The following RSU1 variants were observed in gnomAD, a reference collection of about 807,000 sequenced individuals.
RSU1 encodes the protein Ras suppressor protein 1.
Under a neutral mutation model 31.1 loss-of-function variants are expected in RSU1, and 26 were observed. That is an observed-to-expected ratio of 0.84 (90% CI 0.61 to 1.16). RSU1 has a LOEUF of 1.16. Among genes scored for constraint, RSU1 ranks in the 50% most tolerant of loss-of-function variants. The pLI, the probability that RSU1 is intolerant of heterozygous loss-of-function variation, is 0.00. For synonymous variants in RSU1, 164 were observed against 136.3 expected, an observed-to-expected ratio of 1.20 and a Z score of -1.41; for missense variants, 320 against 339.1, an observed-to-expected ratio of 0.94 and a Z score of 0.44.
chr10:16,754,912 T>C lies in RSU1; in HGVS notation c.359A>G (p.Asn120Ser), dbSNP rs912139136. 6 of 1,612,998 alleles carry C rather than the reference T, an allele frequency of 3.7e-6. No homozygotes were observed. In the African/African-American group the frequency reaches 8.0e-5, roughly 22 times the overall value. The change falls in exon 5 of 9, where the codon AAC (asparagine) becomes AGC (serine). Residue 120 changes from asparagine (N) to serine (S), a missense_variant. Coordinates refer to ENST00000345264, the MANE Select transcript of RSU1 (RefSeq NM_012425.4). The stretch of plus-strand genomic sequence containing the variant: ...TCCAGGAAGAGAATTTTCGCTCAAG[T>C]TGTTGTACGTCAAGTCCAGAACCTC... ...ALEVLDLTYN[N>S]LSENSLPGNF...
chr10:16,674,553 A>G (rs1368048530), intron 8 of RSU1, among the ~76,000 whole-genome samples: 1 of 152,056 alleles, frequency 6.6e-6, no homozygotes, highest in Non-Finnish European at 1.5e-5. Flanking sequence ...CAGTGTACAA[A>G]ACTACGTCTC....
Position 16,591,102 on chromosome 10 carries a change from G to A in RSU1, c.*2292C>T, listed in dbSNP as rs545219441. On this transcript the variant is annotated 3_prime_UTR_variant, in exon 9 of 9. Transcript: ENST00000345264. Reference sequence around the variant, plus strand: ...AATTTTTTGTATTTTAGTAGAGACGGGGTTTCACCGTGTTGCCCAGGCTGG... The same window carrying A: ...AATTTTTTGTATTTTAGTAGAGACGAGGTTTCACCGTGTTGCCCAGGCTGG... The A allele has an allele frequency of 2.0e-5, 3 of 152,254 alleles. No homozygotes were observed. The highest frequency in any genetic ancestry group is 7.2e-5 in the African/African-American group (3 of 41,534). The allele number at this position is 152,254 out of a possible 1,614,324, so 9.4% of individuals were successfully genotyped here. A position where few individuals can be genotyped will look rare whatever the true frequency, so the allele number is the denominator to read the frequency against.
At chr10:16,607,832 G>A (rs1259450940) in intron 8 of RSU1, among the ~76,000 whole-genome samples, 1 of 152,108 alleles carries the variant, frequency 6.6e-6, no homozygotes, top group African/African-American at 2.4e-5. Context: ...TTCCTTCTGT[G>A]CTCTGGTTAG....
intron 8 of RSU1, among the ~76,000 whole-genome samples, chr10:16,594,073 T>C (rs942003204): frequency 6.6e-5 from 10 of 152,258 alleles, no homozygotes; most frequent in Non-Finnish European, 1.2e-4. Flanking sequence ...GCTGGCTCCG[T>C]GGCTGAGAGG....
intron 7 of RSU1, among the ~76,000 whole-genome samples, chr10:16,704,974 CT>C (rs58815595): frequency 6.6e-6 from 1 of 152,070 alleles, no homozygotes; most frequent in Non-Finnish European, 1.5e-5. Context: ...GCCTCCATGA[CT>C]TTTTTTCATC....
chr10:16,761,131 C>A (rs1271224362), intron 4 of RSU1, among the ~76,000 whole-genome samples: 1 of 152,044 alleles, frequency 6.6e-6, no homozygotes, highest in Non-Finnish European at 1.5e-5. Flanking sequence ...TTAGTAGAGA[C>A]AAGGTTTCGC....
Position 16,757,028 on chromosome 10 carries a change from AGTGTGTGTGTGGTGT to A in RSU1, c.282-2054_282-2040del, listed in dbSNP as rs200029393. Among the ~76,000 whole-genome samples the A allele has an allele frequency of 4.2e-3, 587 of 140,994 alleles. 7 individuals carry two copies. The East Asian group carries it at 0.068, about 16-fold the overall frequency. 92.5% of individuals were successfully genotyped at this position (140,994 alleles called of 152,430 possible). The stretch of plus-strand genomic sequence containing the variant: ...GGGGTGTGGTGGTGTGTGTGTACGC[AGTGTGTGTGTGGTGT>A]GTGTGTGGGTGTGTTTGTACACGGT... On this transcript the variant is annotated intron_variant, in intron 4 of 8. Coordinates refer to ENST00000345264, the MANE Select transcript of RSU1 (RefSeq NM_012425.4).
intron 2 of RSU1, among the ~76,000 whole-genome samples, chr10:16,794,527 T>C (rs566422983): frequency 3.9e-5 from 6 of 152,352 alleles, no homozygotes; most frequent in South Asian, 2.1e-4. Flanking sequence ...ACAAAACTTA[T>C]GCAGTTTTAG....
At chr10:16,683,375 A>T (rs148793979) in intron 8 of RSU1, among the ~76,000 whole-genome samples, 1 of 152,292 alleles carries the variant, frequency 6.6e-6, no homozygotes, top group Non-Finnish European at 1.5e-5. Context: ...TTGTGTTTGT[A>T]TATTATTTCA....
chr10:16,762,738 G>A (rs1351059080), intron 4 of RSU1, among the ~76,000 whole-genome samples: 9 of 151,978 alleles, frequency 5.9e-5, no homozygotes, highest in Non-Finnish European at 1.2e-4. Flanking sequence ...CTATTATATT[G>A]GCAAATACGG....
intron 7 of RSU1, among the ~76,000 whole-genome samples, chr10:16,704,660 G>A (rs867293282): frequency 2.0e-5 from 3 of 152,156 alleles, no homozygotes; most frequent in South Asian, 4.1e-4. Flanking sequence ...CATTCCCTTT[G>A]GGCTGAAAGC....
At chr10:16,610,416 C>T (rs899221327) in intron 8 of RSU1, among the ~76,000 whole-genome samples, 1 of 152,218 alleles carries the variant, frequency 6.6e-6, no homozygotes, top group Admixed American at 6.5e-5. Flanking sequence ...GGGTGGCCAA[C>T]CCTTGGGCCG....
chr10:16,638,334 T>G (rs1017572958), intron 8 of RSU1, among the ~76,000 whole-genome samples: 1 of 152,144 alleles, frequency 6.6e-6, no homozygotes. Flanking sequence ...CCTTTTAACA[T>G]CCTTGTGTCT....
chr10:16,716,761 G>A (rs1168732228), intron 7 of RSU1, among the ~76,000 whole-genome samples: 1 of 151,982 alleles, frequency 6.6e-6, no homozygotes, highest in African/African-American at 2.4e-5. Flanking sequence ...AAGTTTGGAG[G>A]GTATGAAGCG....
Position 16,790,840 on chromosome 10 carries a change from C to T in RSU1, c.110-8756G>A, listed in dbSNP as rs368749580. Among the ~76,000 whole-genome samples the T allele has an allele frequency of 5.3e-5, 8 of 152,284 alleles. No individual in the cohort carries two copies. The East Asian group carries it at 5.8e-4, about 11-fold the overall frequency. ...CTTTCTCCTGCTCCCATCACGAAGACGTGATTTCTTCCCCTTCGCCTTCCA... is the reference window on the plus strand; with the variant it reads ...CTTTCTCCTGCTCCCATCACGAAGATGTGATTTCTTCCCCTTCGCCTTCCA... On this transcript the variant is annotated intron_variant, in intron 2 of 8. Transcript: ENST00000345264.
intron 8 of RSU1, among the ~76,000 whole-genome samples, chr10:16,604,102 C>T (rs997506103): frequency 3.3e-5 from 5 of 152,112 alleles, no homozygotes; most frequent in African/African-American, 1.2e-4. Context: ...AGATTTTATG[C>T]CCTGCCAACA....
In RSU1 at chr10:16,731,516, C is replaced by G. The variant is rs11598958; in HGVS notation, c.598+21023G>C. On this transcript the variant is annotated intron_variant, in intron 7 of 8. Coordinates refer to ENST00000345264, the MANE Select transcript of RSU1 (RefSeq NM_012425.4). Reference sequence around the variant, plus strand: ...TGATTATTTCTTGATGATAGAATTCCAAGGGAGCTTACTGCAACAAAAGGT... The same window carrying G: ...TGATTATTTCTTGATGATAGAATTCGAAGGGAGCTTACTGCAACAAAAGGT... Among the ~76,000 whole-genome samples, 1,134 of 151,866 alleles carry G rather than the reference C, an allele frequency of 7.5e-3. 13 individuals carry two copies. Among genetic ancestry groups the G allele is most frequent in the Non-Finnish European group, 0.011 (739 of 67,980 alleles).
intron 8 of RSU1, among the ~76,000 whole-genome samples, chr10:16,672,616 T>TG (rs202036119): frequency 7.5e-4 from 114 of 151,820 alleles, no homozygotes; most frequent in African/African-American, 2.4e-3. Flanking sequence ...AGCCAGTTGT[T>TG]TTTTTTTAAA....
At chr10:16,691,985 C>G (rs1835563946) in intron 8 of RSU1, among the ~76,000 whole-genome samples, 1 of 152,044 alleles carries the variant, frequency 6.6e-6, no homozygotes, top group Non-Finnish European at 1.5e-5. Flanking sequence ...GTGATTCACC[C>G]TCCTCATGGT....
Sources: gnomAD v4.1 joint callset for allele counts (sites outside exome capture counted in the v4.1 genomes callset) on GRCh38, gnomAD v4.1.1 for gene constraint, MANE v1.5 for transcripts, NCBI Gene and HGNC (gene_info 2026-07-23, HGNC 2026-07-21) for gene names.